The following PTPN5 variants were observed in gnomAD, a reference collection of about 807,000 sequenced individuals.
PTPN5 encodes the protein protein tyrosine phosphatase non-receptor type 5, also known as tyrosine-protein phosphatase non-receptor type 5.
In PTPN5, 29 loss-of-function variants were observed where a neutral mutation model predicts 73.9. The ratio of observed to expected loss-of-function variants is 0.39; its 90% confidence interval spans 0.29 to 0.54. The LOEUF (loss-of-function observed/expected upper bound fraction) is 0.54, where lower values mean the gene tolerates loss of function less well. PTPN5 is among the 20% of genes least tolerant of loss of function. The pLI is 0.65. For synonymous variants in PTPN5, 267 were observed against 304.7 expected, an observed-to-expected ratio of 0.88 and a Z score of 1.29; for missense variants, 652 against 751.4, an observed-to-expected ratio of 0.87 and a Z score of 1.55.
At chr11:18,775,091 A>C (rs1851082534) in intron 1 of PTPN5, among the ~76,000 whole-genome samples, 1 of 152,186 alleles carries the variant, frequency 6.6e-6, no homozygotes, top group African/African-American at 2.4e-5. Flanking sequence ...CCCTGGAGGA[A>C]CGTACTAACG....
intron 1 of PTPN5, among the ~76,000 whole-genome samples, chr11:18,784,597 A>G (rs988340182): frequency 2.0e-5 from 3 of 152,224 alleles, no homozygotes; most frequent in Admixed American, 2.0e-4. Context: ...CACTGTAAAT[A>G]TACTTAACGC....
intron 1 of PTPN5, among the ~76,000 whole-genome samples, chr11:18,785,134 T>C (rs531855413): frequency 3.9e-5 from 6 of 152,276 alleles, no homozygotes; most frequent in African/African-American, 1.4e-4. Context: ...ATTACAGGCA[T>C]GAGCCACTGC....
chr11:18,749,138 G>A (rs1202585587), intron 3 of PTPN5, among the ~76,000 whole-genome samples: 1 of 152,212 alleles, frequency 6.6e-6, no homozygotes, highest in Non-Finnish European at 1.5e-5. Context: ...CGTCAGCCCT[G>A]TTTTGTCAGT....
intron 9 of PTPN5, among the ~76,000 whole-genome samples, chr11:18,737,370 C>T (rs1173562426): frequency 2.0e-5 from 3 of 152,178 alleles, no homozygotes; most frequent in Non-Finnish European, 4.4e-5. Context: ...AACTCATTTG[C>T]CTGTGGGAGT....
At chr11:18,755,160 G>C (rs1265234583) in intron 3 of PTPN5, among the ~76,000 whole-genome samples, 1 of 152,222 alleles carries the variant, frequency 6.6e-6, no homozygotes. Flanking sequence ...TCGTGGAGTG[G>C]CTTGTGTGGC....
intron 1 of PTPN5, among the ~76,000 whole-genome samples, chr11:18,774,074 T>C (rs1332464139): frequency 1.3e-5 from 2 of 152,230 alleles, no homozygotes; most frequent in Non-Finnish European, 1.5e-5. Flanking sequence ...TCCCTGGGGA[T>C]AGGTCTTCAC....
intron 2 of PTPN5, among the ~76,000 whole-genome samples, chr11:18,767,414 T>C (rs1850689931): frequency 6.6e-6 from 1 of 152,228 alleles, no homozygotes; most frequent in Non-Finnish European, 1.5e-5. Flanking sequence ...TCCTTCAAGG[T>C]AACTTTAAGT....
At chr11:18,783,075 G>GT (rs1359147188) in intron 1 of PTPN5, among the ~76,000 whole-genome samples, 15 of 152,216 alleles carry the variant, frequency 9.9e-5, no homozygotes, top group Non-Finnish European at 1.5e-5. Context: ...CCTAGGCCTC[G>GT]TATTTGCCTA....
In PTPN5 at chr11:18,729,805, T is replaced by C. The variant is rs1354677291; in HGVS notation, c.1343A>G (p.Glu448Gly). 1.2e-6 allele frequency: 2 copies of C among 1,613,776 alleles called. No homozygotes were observed. Among genetic ancestry groups the C allele is most frequent in the Non-Finnish European group, 8.5e-7 (1 of 1,179,854 alleles). ...RLISLKSGTE[E>G]RGLKHYWFTS... ...GAACCAGTAATGCTTCAGGCCTCGCTCCTCAGTCCCACTCTGTCGAGGAGA... is the reference window on the plus strand; with the variant it reads ...GAACCAGTAATGCTTCAGGCCTCGCCCCTCAGTCCCACTCTGTCGAGGAGA... Residue 448 changes from glutamate to glycine, a missense_variant, in exon 13 of 15, where the codon GAG (glutamate) becomes GGG (glycine). Physicochemically the swap from Glu to Gly is moderately conservative, Grantham distance 98. This residue lies in a region of PTPN5 where 102 missense variants were observed against 160.5 expected (regional missense o/e 0.64). Transcript: ENST00000358540. This position sits in a 1 kb window ranked among gnomAD's most constrained non-coding sequence, Gnocchi z 5.2.
At chr11:18,760,070 G>A (rs1850323158) in intron 3 of PTPN5, among the ~76,000 whole-genome samples, 1 of 152,130 alleles carries the variant, frequency 6.6e-6, no homozygotes, top group Non-Finnish European at 1.5e-5. Flanking sequence ...GTTGCAAAAT[G>A]GCTGTACCCT....
chr11:18,736,210 C>T (rs779595914), intron 9 of PTPN5, among the ~76,000 whole-genome samples: 9 of 152,092 alleles, frequency 5.9e-5, no homozygotes, highest in Admixed American at 1.3e-4. Context: ...CCGAAGCAGG[C>T]GAGGACAGCT....
In PTPN5 at chr11:18,742,822, G is replaced by A. The variant is rs891503332; in HGVS notation, c.483+170C>T. Among the ~76,000 whole-genome samples, 2 of 152,128 alleles carry A rather than the reference G, an allele frequency of 1.3e-5. No individual in the cohort carries two copies. The highest frequency in any genetic ancestry group is 2.9e-5 in the Non-Finnish European group (2 of 68,026). On this transcript the variant is annotated intron_variant, in intron 6 of 14. Coordinates refer to ENST00000358540, the MANE Select transcript of PTPN5 (RefSeq NM_006906.2). The surrounding 1 kb of genome is among the most constrained non-coding windows in gnomAD (Gnocchi z 4.1). The stretch of plus-strand genomic sequence containing the variant: ...CCCAGATCACTGCAAACCAATTTTC[G>A]GAAAGAAGGAGGCTCTTGCCCCAGG...
At chr11:18,770,541 C>T (rs1850837470) in intron 2 of PTPN5, among the ~76,000 whole-genome samples, 1 of 152,188 alleles carries the variant, frequency 6.6e-6, no homozygotes, top group African/African-American at 2.4e-5. Context: ...TTTATCTATT[C>T]ATCAGTTGAA....
chr11:18,781,147 C>G (rs546776580), intron 1 of PTPN5, among the ~76,000 whole-genome samples: 28 of 152,196 alleles, frequency 1.8e-4, no homozygotes, highest in African/African-American at 6.7e-4. Flanking sequence ...GCCGCACCCC[C>G]CCGGCCCCGC....
chr11:18,767,919 C>A (rs1461371823), intron 2 of PTPN5, among the ~76,000 whole-genome samples: 1 of 152,200 alleles, frequency 6.6e-6, no homozygotes, highest in Non-Finnish European at 1.5e-5. Context: ...CCTCACAGCA[C>A]CTTCCACATG....
At chr11:18,766,135 C>CCAT (rs1312078234) in intron 2 of PTPN5, among the ~76,000 whole-genome samples, 1 of 151,466 alleles carries the variant, frequency 6.6e-6, no homozygotes, top group Non-Finnish European at 1.5e-5. Context: ...ATCATCATCA[C>CCAT]CATCATCATC....
At chr11:18,787,340 T>C (rs1590631199) in intron 1 of PTPN5, among the ~76,000 whole-genome samples, 1 of 149,344 alleles carries the variant, frequency 6.7e-6, no homozygotes, top group Non-Finnish European at 1.5e-5. Flanking sequence ...CATTCATTCA[T>C]TCACTCATTC....
intron 3 of PTPN5, among the ~76,000 whole-genome samples, chr11:18,762,077 A>T (rs1244948827): frequency 6.6e-6 from 1 of 152,096 alleles, no homozygotes; most frequent in African/African-American, 2.4e-5. Context: ...GCTCTGGGGC[A>T]TTGGGGGGAG....
intron 12 of PTPN5, chr11:18,730,615 G>T (rs552745352): frequency 6.5e-6 from 1 of 153,030 alleles, no homozygotes; most frequent in African/African-American, 2.4e-5. Flanking sequence ...GACCCTGGAA[G>T]TGGGTCCTCA....
Sources: allele counts gnomAD v4.1 joint callset (sites outside exome capture counted in the v4.1 genomes callset), GRCh38; gene constraint gnomAD v4.1.1; regional missense constraint gnomAD v4.1.1; non-coding constraint Gnocchi (gnomAD v3.1); transcripts MANE v1.5; gene names NCBI Gene and HGNC (gene_info 2026-07-23, HGNC 2026-07-21).